The following CLIC4 variants were observed in gnomAD, a reference collection of about 807,000 sequenced individuals.
CLIC4 encodes chloride intracellular channel protein 4.
Under a neutral mutation model 24.6 loss-of-function variants are expected in CLIC4, and 13 were observed. The ratio of observed to expected loss-of-function variants is 0.53; its 90% confidence interval spans 0.34 to 0.84. The LOEUF is 0.84. Among genes scored for constraint, CLIC4 ranks in the 40% least tolerant of loss-of-function variants. CLIC4 has a pLI of 0.01. For synonymous variants in CLIC4, 104 were observed against 111.3 expected, an observed-to-expected ratio of 0.93 and a Z score of 0.41; for missense variants, 227 against 301.7, an observed-to-expected ratio of 0.75 and a Z score of 1.83.
At chr1:24,792,384 G>T (rs1186045646) in intron 1 of CLIC4, among the ~76,000 whole-genome samples, 1 of 152,028 alleles carries the variant, frequency 6.6e-6, no homozygotes, top group Non-Finnish European at 1.5e-5. Flanking sequence ...TAGAGATGGG[G>T]TATTGCTCGG....
chr1:24,792,966 T>G, intron 1 of CLIC4, among the ~76,000 whole-genome samples: 1 of 152,196 alleles, frequency 6.6e-6, no homozygotes, highest in East Asian at 1.9e-4. Flanking sequence ...CCATTCATCT[T>G]TAGCCTGCTT....
intron 1 of CLIC4, 110 bp from the exon 2 acceptor site, chr1:24,797,632 A>G (rs950109578): frequency 7.5e-6 from 5 of 670,748 alleles, no homozygotes; most frequent in South Asian, 7.3e-5. Context: ...TCCTTCCACA[A>G]TGTAACTTTT....
intron 2 of CLIC4, among the ~76,000 whole-genome samples, chr1:24,804,617 A>G (rs924426863): frequency 2.0e-5 from 3 of 151,590 alleles, no homozygotes; most frequent in Non-Finnish European, 4.4e-5. Context: ...GGAGGGAGAT[A>G]TAGACACACA....
At chr1:24,797,213 A>G (rs1338325690) in intron 1 of CLIC4, among the ~76,000 whole-genome samples, 1 of 151,264 alleles carries the variant, frequency 6.6e-6, no homozygotes, top group Non-Finnish European at 1.5e-5. Context: ...CAGCCTCCCA[A>G]AGTGCTGGGA....
intron 2 of CLIC4, among the ~76,000 whole-genome samples, chr1:24,802,987 A>G (rs186871089): frequency 5.1e-4 from 77 of 152,212 alleles, no homozygotes; most frequent in African/African-American, 1.8e-3. Context: ...GGGATTACAG[A>G]CTTTAGCCAC....
intron 4 of CLIC4, among the ~76,000 whole-genome samples, chr1:24,828,253 TC>T (rs1232468886): frequency 1.3e-5 from 2 of 152,260 alleles, no homozygotes; most frequent in African/African-American, 4.8e-5. Flanking sequence ...GAAATGTTTT[TC>T]TACAGTGAAG....
intron 2 of CLIC4, among the ~76,000 whole-genome samples, chr1:24,799,239 TG>T: frequency 6.7e-6 from 1 of 148,970 alleles, no homozygotes; most frequent in Admixed American, 6.7e-5. Flanking sequence ...ATCTAGGAAG[TG>T]AGGAGCGTCT....
At chr1:24,752,379 C>G (rs1413055666) in intron 1 of CLIC4, among the ~76,000 whole-genome samples, 1 of 152,150 alleles carries the variant, frequency 6.6e-6, no homozygotes, top group Non-Finnish European at 1.5e-5. Context: ...GTTAGGGTGG[C>G]TTTCCTCCTC....
chr1:24,830,642 GGT>G (rs1178447924), intron 4 of CLIC4, among the ~76,000 whole-genome samples: 1 of 152,030 alleles, frequency 6.6e-6, no homozygotes, highest in East Asian at 1.9e-4. Context: ...TTAGGACCCT[GGT>G]GTGTGTTAAT....
At chr1:24,805,430 A>G (rs1639540353) in intron 2 of CLIC4, among the ~76,000 whole-genome samples, 1 of 152,166 alleles carries the variant, frequency 6.6e-6, no homozygotes, top group Non-Finnish European at 1.5e-5. Context: ...TCTGAAACAA[A>G]TAATTCTGGT....
chr1:24,760,359 CAAAAAAA>C (rs376643814), intron 1 of CLIC4, among the ~76,000 whole-genome samples: 1 of 148,284 alleles, frequency 6.7e-6, no homozygotes. Context: ...GACTCCATCT[CAAAAAAA>C]AAGAAAAAAG....
chr1:24,771,039 T>C (rs1639064640), intron 1 of CLIC4, among the ~76,000 whole-genome samples: 2 of 152,204 alleles, frequency 1.3e-5, no homozygotes, highest in Admixed American at 1.3e-4. Flanking sequence ...ACAATAATTA[T>C]TTCCAACTCT....
At chr1:24,840,077 C>A in intron 5 of CLIC4, 36 bp downstream of exon 5, 4 of 1,572,762 alleles carry the variant, frequency 2.5e-6, no homozygotes, top group Non-Finnish European at 3.5e-6. Flanking sequence ...ATTGCCATTA[C>A]CTTGTATTGT....
intron 1 of CLIC4, among the ~76,000 whole-genome samples, chr1:24,745,935 C>T (rs1046986727): frequency 2.7e-5 from 4 of 150,464 alleles, no homozygotes; most frequent in Non-Finnish European, 5.9e-5. Flanking sequence ...GACTTGCCTG[C>T]CCCGGGGCCC....
rs556757543 is a variant in CLIC4, at chr1:24,815,501, T to TA, written c.308+1282_308+1283insA. 1.6e-3 allele frequency among the ~76,000 whole-genome samples: 242 copies of TA among 151,930 alleles called. 1 individual carries two copies. Among genetic ancestry groups the TA allele is most frequent in the African/African-American group, 5.5e-3 (228 of 41,344 alleles). On this transcript the variant is annotated intron_variant, in intron 3 of 5. Coordinates refer to ENST00000374379, the MANE Select transcript of CLIC4 (RefSeq NM_013943.3). ...TGGGTGACAAAAGCAAAACTCCGTC[T>TA]CAAAAAAAAATCATTGCTAAAAAAT...
intron 1 of CLIC4, among the ~76,000 whole-genome samples, chr1:24,756,982 G>T (rs532819313): frequency 1.3e-5 from 2 of 151,800 alleles, no homozygotes; most frequent in South Asian, 4.2e-4. Flanking sequence ...CGCAACCTCC[G>T]CCTCCTAGGT....
chr1:24,816,966 G>T (rs1363926665), intron 3 of CLIC4, among the ~76,000 whole-genome samples: 1 of 152,190 alleles, frequency 6.6e-6, no homozygotes, highest in African/African-American at 2.4e-5. Context: ...TCAAATTTTG[G>T]AATGGAAGAT....
intron 2 of CLIC4, among the ~76,000 whole-genome samples, chr1:24,798,703 G>A (rs1280043020): frequency 6.6e-6 from 1 of 152,054 alleles, no homozygotes. Flanking sequence ...CCTCTCATGC[G>A]GAGCCGAAGC....
Position 24,842,519 on chromosome 1 carries a change from G to A in CLIC4, c.*1582G>A, listed in dbSNP as rs1639954064. The A allele has an allele frequency of 6.6e-6, 1 of 152,038 alleles. No homozygotes were observed. The highest frequency in any genetic ancestry group is 1.5e-5 in the Non-Finnish European group (1 of 67,990). 9.4% of individuals were successfully genotyped at this position (152,038 alleles called of 1,614,324 possible). On this transcript the variant is annotated 3_prime_UTR_variant, in exon 6 of 6. Transcript: ENST00000374379. Reference sequence around the variant, plus strand: ...ACTTTGATATGCTAACATTTAGTAAGCACTGGCTTTATGAAAGCGGCTTTT... The same window carrying A: ...ACTTTGATATGCTAACATTTAGTAAACACTGGCTTTATGAAAGCGGCTTTT...
Sources: allele counts gnomAD v4.1 joint callset (sites outside exome capture counted in the v4.1 genomes callset), GRCh38; gene constraint gnomAD v4.1.1; transcripts MANE v1.5; gene names NCBI Gene and HGNC (gene_info 2026-07-23, HGNC 2026-07-21).